The following VAV3 variants were observed in gnomAD, a reference collection of about 807,000 sequenced individuals.
VAV3 encodes the protein vav guanine nucleotide exchange factor 3, also known as guanine nucleotide exchange factor VAV3.
Under a neutral mutation model 131.2 loss-of-function variants are expected in VAV3, and 94 were observed. The observed-to-expected ratio is 0.72, with a 90% CI of 0.61 to 0.85. The LOEUF (loss-of-function observed/expected upper bound fraction) is 0.85, where lower values mean the gene tolerates loss of function less well. VAV3 is among the 40% of genes least tolerant of loss of function. The pLI is 0.00. For missense variants in VAV3, 939 were observed against 1,002.7 expected, an observed-to-expected ratio of 0.94 and a Z score of 0.86; for synonymous variants, 349 against 342.0, an observed-to-expected ratio of 1.02 and a Z score of -0.22.
At position 107,704,578 on chromosome 1, in the gene VAV3, T is replaced by C; in HGVS notation, c.1677A>G (p.Val559=). ...CAGAATTAACTCTGCCACAATTGTC[T>C]ACTCTTCCCAAACATTCTTTGTGTG... is the stretch of plus-strand genomic sequence containing the variant. ...ARAHKECLGR[V]DNCGRVNSGE... is the part of the protein sequence containing the mutation. The change falls in exon 17 of 27, where the codon GTA becomes GTG. Residue 559 remains valine, a synonymous_variant. Coordinates refer to ENST00000370056, the MANE Select transcript of VAV3 (RefSeq NM_006113.5). 6.2e-7 allele frequency: 1 copy of C among 1,613,906 alleles called. No individual in the cohort carries two copies. The highest frequency in any genetic ancestry group is 2.2e-5 in the East Asian group (1 of 44,868).
chr1:107,712,039 A>G (rs777871745), intron 15 of VAV3, among the ~76,000 whole-genome samples: 3 of 152,178 alleles, frequency 2.0e-5, no homozygotes, highest in Non-Finnish European at 2.9e-5. Flanking sequence ...AGAAAATGGA[A>G]TATTTTATTA....
chr1:107,624,404 G>A (rs1475013554), intron 20 of VAV3, among the ~76,000 whole-genome samples: 8 of 150,854 alleles, frequency 5.3e-5, no homozygotes, highest in African/African-American at 1.7e-4. Context: ...GTGTGTGTGT[G>A]TGTGTGTGTG....
intron 20 of VAV3, among the ~76,000 whole-genome samples, chr1:107,640,664 T>C (rs1046618918): frequency 6.6e-6 from 1 of 152,212 alleles, no homozygotes; most frequent in Non-Finnish European, 1.5e-5. Context: ...ATCTCAAAGC[T>C]GTTTTTATAT....
intron 17 of VAV3, among the ~76,000 whole-genome samples, chr1:107,694,064 T>C (rs1659601408): frequency 6.6e-6 from 1 of 152,186 alleles, no homozygotes; most frequent in Non-Finnish European, 1.5e-5. Context: ...GAACTCACAG[T>C]AAACAGTGCA....
chr1:107,751,016 C>T, intron 13 of VAV3, 101 bp downstream of exon 13: 1 of 1,153,422 alleles, frequency 8.7e-7, no homozygotes, highest in Non-Finnish European at 1.2e-6. Context: ...GTATTTCTTC[C>T]TTTTTTCCCC....
intron 25 of VAV3, among the ~76,000 whole-genome samples, chr1:107,574,477 C>G (rs1277004986): frequency 2.0e-5 from 3 of 151,554 alleles, no homozygotes; most frequent in Non-Finnish European, 1.5e-5. Context: ...AAAAATGAAA[C>G]AAAACAAAAC....
At chr1:107,582,844 G>T (rs1650170785) in intron 25 of VAV3, among the ~76,000 whole-genome samples, 1 of 151,972 alleles carries the variant, frequency 6.6e-6, no homozygotes, top group African/African-American at 2.4e-5. Flanking sequence ...CCAAGTCTTT[G>T]CTATTGTGAA....
chr1:107,627,219 T>C (rs936814239), intron 20 of VAV3, among the ~76,000 whole-genome samples: 24 of 152,134 alleles, frequency 1.6e-4, no homozygotes, highest in Non-Finnish European at 3.1e-4. Context: ...CCTATCTCTC[T>C]TTTTCCTTCC....
intron 17 of VAV3, among the ~76,000 whole-genome samples, chr1:107,694,505 C>A (rs975944204): frequency 6.6e-6 from 1 of 152,188 alleles, no homozygotes; most frequent in African/African-American, 2.4e-5. Context: ...AGGCCATGAG[C>A]CTTTCCTTGC....
intron 2 of VAV3, among the ~76,000 whole-genome samples, chr1:107,833,604 T>C (rs1668352848): frequency 6.6e-6 from 1 of 152,234 alleles, no homozygotes; most frequent in African/African-American, 2.4e-5. Context: ...ACCTACAACA[T>C]TCTAGGTTTA....
chr1:107,715,941 G>A, intron 15 of VAV3, among the ~76,000 whole-genome samples: 1 of 152,122 alleles, frequency 6.6e-6, no homozygotes, highest in East Asian at 1.9e-4. Flanking sequence ...GAATTAATGT[G>A]ATCTAGAAGC....
In VAV3 at chr1:107,574,963, CTGTG is replaced by C. The variant is rs753834313; in HGVS notation, c.2351-769_2351-766del. Among the ~76,000 whole-genome samples, 250 of 81,172 alleles carry C rather than the reference CTGTG, an allele frequency of 3.1e-3. 1 individual carries two copies. Among genetic ancestry groups the C allele is most frequent in the Middle Eastern group, 0.01 (2 of 194 alleles). 53.3% of individuals were successfully genotyped at this position (81,172 alleles called of 152,430 possible). Reference sequence around the variant, plus strand: ...ATCCTGTGTTCAGAGTTGAGTTTCTCTGTGTGTGTGTGTGTGTGTGTGTGTGTGT... The same window carrying C: ...ATCCTGTGTTCAGAGTTGAGTTTCTCTGTGTGTGTGTGTGTGTGTGTGTGT... On this transcript the variant is annotated intron_variant, in intron 25 of 26. Transcript: ENST00000370056.
At chr1:107,904,185 A>G (rs987069433) in intron 1 of VAV3, among the ~76,000 whole-genome samples, 2 of 152,182 alleles carry the variant, frequency 1.3e-5, no homozygotes, top group African/African-American at 4.8e-5. Flanking sequence ...TTTGGTATCA[A>G]TCAGAAAAGG....
At position 107,596,337 on chromosome 1, in the gene VAV3, A is replaced by T; in HGVS notation, c.2225T>A (p.Leu742His). The change falls in exon 25 of 27, where the codon CTT becomes CAT. Residue 742 changes from leucine to histidine, a missense_variant. By Grantham distance (99) the Leu-to-His change is moderately conservative. Coordinates refer to ENST00000370056, the MANE Select transcript of VAV3 (RefSeq NM_006113.5). Reference protein sequence around the residue: ...ENRKFKSLMELVEYYKHHSLK... With the variant: ...ENRKFKSLMEHVEYYKHHSLK... ...AGAATGATGCTTGTAGTACTCCACA[A>T]GTTCCTTTGGAAAAAAGAATCCAAC... 1 of 1,610,992 alleles carries T rather than the reference A, an allele frequency of 6.2e-7. No individual in the cohort carries two copies. Among genetic ancestry groups the T allele is most frequent in the Non-Finnish European group, 8.5e-7 (1 of 1,178,778 alleles).
At chr1:107,894,749 T>C (rs1385238141) in intron 1 of VAV3, among the ~76,000 whole-genome samples, 1 of 152,198 alleles carries the variant, frequency 6.6e-6, no homozygotes, top group African/African-American at 2.4e-5. Flanking sequence ...AACTGTTTGC[T>C]CACTATATGA....
At chr1:107,786,474 C>A (rs1163305540) in intron 2 of VAV3, among the ~76,000 whole-genome samples, 1 of 152,140 alleles carries the variant, frequency 6.6e-6, no homozygotes, top group East Asian at 1.9e-4. Context: ...TACGAAATTA[C>A]AATTAAAACA....
chr1:107,826,632 G>A (rs770742184), intron 2 of VAV3, among the ~76,000 whole-genome samples: 26 of 152,246 alleles, frequency 1.7e-4, no homozygotes, highest in Admixed American at 1.4e-3. Flanking sequence ...CAATGTTAGC[G>A]AAAGTCAAGG....
intron 2 of VAV3, among the ~76,000 whole-genome samples, chr1:107,831,887 T>C (rs1668263004): frequency 1.3e-5 from 2 of 152,220 alleles, no homozygotes; most frequent in South Asian, 2.1e-4. Context: ...AGATTAGGTA[T>C]GTAAAATTGC....
intron 2 of VAV3, among the ~76,000 whole-genome samples, chr1:107,860,932 C>T (rs1044148601): frequency 4.0e-5 from 6 of 151,604 alleles, no homozygotes; most frequent in African/African-American, 1.2e-4. Context: ...AATATTTGAA[C>T]GATTGTCCTA....
Sources: gnomAD v4.1 joint callset for allele counts (sites outside exome capture counted in the v4.1 genomes callset) on GRCh38, gnomAD v4.1.1 for gene constraint, MANE v1.5 for transcripts, NCBI Gene and HGNC (gene_info 2026-07-23, HGNC 2026-07-21) for gene names.